SMAD3: variants seen among roughly 807,000 people sequenced by gnomAD.
SMAD3 encodes the protein MAD homolog 3.
Under a neutral mutation model 51.8 loss-of-function variants are expected in SMAD3, and 12 were observed. The observed-to-expected ratio is 0.23, with a 90% CI of 0.15 to 0.38. The LOEUF is 0.38. SMAD3 is among the 10% of genes least tolerant of loss of function. The pLI is 1.00. For synonymous variants in SMAD3, 238 were observed against 227.7 expected, an observed-to-expected ratio of 1.05 and a Z score of -0.41; for missense variants, 294 against 565.6, an observed-to-expected ratio of 0.52 and a Z score of 4.87.
intron 1 of SMAD3, among the ~76,000 whole-genome samples, chr15:67,074,055 C>T (rs777970805): frequency 5.9e-5 from 9 of 152,194 alleles, no homozygotes; most frequent in Non-Finnish European, 8.8e-5. Context: ...ATTGATGTTC[C>T]AAGACTCTAT....
At chr15:67,078,062 C>T (rs1960208797) in intron 1 of SMAD3, 1 of 152,254 alleles carries the variant, frequency 6.6e-6, no homozygotes, top group African/African-American at 2.4e-5. Context: ...TAATCCCTTA[C>T]AGTACCATGT....
At chr15:67,189,583 C>G (rs1232113735) in intron 8 of SMAD3, among the ~76,000 whole-genome samples, 2 of 152,218 alleles carry the variant, frequency 1.3e-5, no homozygotes, top group Non-Finnish European at 2.9e-5. Context: ...CCTTGTCGTC[C>G]TCCTGCCTCT....
At chr15:67,166,560 T>C in intron 3 of SMAD3, 1 of 626,274 alleles carries the variant, frequency 1.6e-6, no homozygotes, top group Non-Finnish European at 2.9e-6. Context: ...GTTGATCCGG[T>C]CCTGCGTGAG....
intron 8 of SMAD3, among the ~76,000 whole-genome samples, chr15:67,187,878 C>G (rs1254023544): frequency 6.6e-6 from 1 of 152,184 alleles, no homozygotes; most frequent in East Asian, 1.9e-4. Context: ...GTCTAGAACT[C>G]TGCCCTCTTG....
intron 1 of SMAD3, among the ~76,000 whole-genome samples, chr15:67,101,499 G>A (rs944465962): frequency 1.3e-5 from 2 of 152,166 alleles, no homozygotes; most frequent in African/African-American, 4.8e-5. Flanking sequence ...CTCTGAGGTC[G>A]AGCTCTTGTA....
intron 4 of SMAD3, among the ~76,000 whole-genome samples, chr15:67,168,269 G>A (rs780372056): frequency 1.5e-4 from 23 of 152,346 alleles, no homozygotes; most frequent in Middle Eastern, 3.4e-3. Context: ...CTGAGAGACC[G>A]AAAGAGACTC....
intron 7 of SMAD3, among the ~76,000 whole-genome samples, chr15:67,186,478 C>T (rs556875155): frequency 6.6e-6 from 1 of 152,276 alleles, no homozygotes; most frequent in South Asian, 2.1e-4. Flanking sequence ...CAAGAGAAAG[C>T]GACCAGCTCA....
chr15:67,117,779 T>C (rs1961168824), intron 1 of SMAD3, among the ~76,000 whole-genome samples: 1 of 152,216 alleles, frequency 6.6e-6, no homozygotes, highest in African/African-American at 2.4e-5. Context: ...AATGAGAATG[T>C]ACAGAACTCT....
At chr15:67,168,416 A>G (rs1252599176) in intron 4 of SMAD3, among the ~76,000 whole-genome samples, 1 of 152,224 alleles carries the variant, frequency 6.6e-6, no homozygotes, top group Non-Finnish European at 1.5e-5. Flanking sequence ...ACCTTCCTGT[A>G]TCCGATGCCA....
intron 1 of SMAD3, among the ~76,000 whole-genome samples, chr15:67,119,561 A>G (rs980250891): frequency 3.3e-5 from 5 of 152,204 alleles, no homozygotes; most frequent in Admixed American, 6.5e-5. Context: ...GGAACTGTCT[A>G]TGAAGCAGAT....
In SMAD3 at chr15:67,161,532, T is replaced by G. The variant is rs368684845; in HGVS notation, c.207-3363T>G. ...TCCAGCTGGCCCTTTTTTGGGAGTT[T>G]TGTCAAACACCGAAGAGCAAATACG... On this transcript the variant is annotated intron_variant, in intron 1 of 8. Coordinates refer to ENST00000327367, the MANE Select transcript of SMAD3 (RefSeq NM_005902.4). 2.0e-4 allele frequency among the ~76,000 whole-genome samples: 31 copies of G among 152,300 alleles called. No individual in the cohort carries two copies. In the South Asian group the frequency reaches 6.0e-3, roughly 30 times the overall value.
At chr15:67,142,273 A>G (rs1194611687) in intron 1 of SMAD3, among the ~76,000 whole-genome samples, 1 of 140,046 alleles carries the variant, frequency 7.1e-6, no homozygotes, top group Non-Finnish European at 1.5e-5. Context: ...TCCCCCGTAC[A>G]CTTGGCCAGA....
At chr15:67,138,481 T>G in intron 1 of SMAD3, 1 of 182,342 alleles carries the variant, frequency 5.5e-6, no homozygotes, top group Non-Finnish European at 1.2e-5. Context: ...TACTGAGCGG[T>G]TCCCTGGGAC....
chr15:67,072,464 C>T (rs911767609), intron 1 of SMAD3, among the ~76,000 whole-genome samples: 5 of 152,226 alleles, frequency 3.3e-5, no homozygotes, highest in African/African-American at 1.2e-4. Flanking sequence ...TTTTCTTAAT[C>T]AGCAAGTCTC....
intron 1 of SMAD3, among the ~76,000 whole-genome samples, chr15:67,088,173 G>A (rs1960434420): frequency 6.6e-6 from 1 of 152,220 alleles, no homozygotes; most frequent in Non-Finnish European, 1.5e-5. Context: ...GTCTGGGGTT[G>A]GTTTTCTGTA....
chr15:67,116,582 G>T (rs187072877), intron 1 of SMAD3, among the ~76,000 whole-genome samples: 1 of 152,268 alleles, frequency 6.6e-6, no homozygotes, highest in Admixed American at 6.5e-5. Context: ...ATTATTATGG[G>T]TATCATTCCT....
At chr15:67,114,584 G>T (rs1264290853) in intron 1 of SMAD3, among the ~76,000 whole-genome samples, 1 of 152,174 alleles carries the variant, frequency 6.6e-6, no homozygotes, top group Non-Finnish European at 1.5e-5. Flanking sequence ...CTTCGCAGTT[G>T]ACAGATGGGG....
rs548861227 is a variant in SMAD3 at position 67,195,054 on chromosome 15, T to TATC, written c.*4519_*4521dup. 4.6e-4 allele frequency: 107 copies of TATC among 233,648 alleles called. 1 individual carries two copies. In the Admixed American group the frequency reaches 4.8e-3, roughly 11 times the overall value. The allele number at this position is 233,648 out of a possible 1,614,324, so 14.5% of individuals were successfully genotyped here. A position where few individuals can be genotyped will look rare whatever the true frequency, so the allele number is the denominator to read the frequency against. ...GTGTTTTAGATTTTTCTAACTTTTATATCTTAAAAGCAGAGCACCTGTTTA... is the reference window on the plus strand; with the variant it reads ...GTGTTTTAGATTTTTCTAACTTTTATATCATCTTAAAAGCAGAGCACCTGTTTA... On this transcript the variant is annotated 3_prime_UTR_variant, in exon 9 of 9. Coordinates refer to ENST00000327367, the MANE Select transcript of SMAD3 (RefSeq NM_005902.4).
rs537772528 is a variant in SMAD3, at chr15:67,132,983, C to T, written c.207-31912C>T. On this transcript the variant is annotated intron_variant, in intron 1 of 8. Transcript: ENST00000327367. ...CCTGTTCACTTGGATTTCTCTCCTC[C>T]CTGCAAAGCATCATCAGCTTCCTCC... Among the ~76,000 whole-genome samples the T allele has an allele frequency of 1.4e-3, 211 of 152,324 alleles. 1 individual carries two copies. Among genetic ancestry groups the T allele is most frequent in the Middle Eastern group, 0.01 (3 of 294 alleles).
Sources: gnomAD v4.1 joint callset for allele counts (sites outside exome capture counted in the v4.1 genomes callset) on GRCh38, gnomAD v4.1.1 for gene constraint, MANE v1.5 for transcripts, NCBI Gene and HGNC (gene_info 2026-07-23, HGNC 2026-07-21) for gene names.